ATL2: variants seen among roughly 807,000 people sequenced by gnomAD.
ATL2 encodes the protein atlastin GTPase 2.
In ATL2, 31 loss-of-function variants were observed where a neutral mutation model predicts 73.9. The ratio of observed to expected loss-of-function variants is 0.42; its 90% confidence interval spans 0.32 to 0.57. The LOEUF (loss-of-function observed/expected upper bound fraction) is 0.57. Among genes scored for constraint, ATL2 ranks in the 20% least tolerant of loss-of-function variants. ATL2 has a pLI of 0.14. For synonymous variants in ATL2, 291 were observed against 237.5 expected, an observed-to-expected ratio of 1.23 and a Z score of -2.07; for missense variants, 738 against 702.6, an observed-to-expected ratio of 1.05 and a Z score of -0.57.
chr2:38,367,458 T>C (rs1196620741), intron 1 of ATL2, among the ~76,000 whole-genome samples: 1 of 150,260 alleles, frequency 6.7e-6, no homozygotes, highest in Non-Finnish European at 1.5e-5. Context: ...AAAAAAAAAT[T>C]AGCCGGGCAT....
At chr2:38,342,028 T>A (rs574187874) in intron 2 of ATL2, among the ~76,000 whole-genome samples, 21 of 152,302 alleles carry the variant, frequency 1.4e-4, no homozygotes, top group Non-Finnish European at 1.3e-4. Flanking sequence ...AAATTTCCAA[T>A]TCCTTCTCCT....
intron 9 of ATL2, among the ~76,000 whole-genome samples, chr2:38,301,795 T>G (rs905684076): frequency 6.6e-6 from 1 of 152,186 alleles, no homozygotes; most frequent in Non-Finnish European, 1.5e-5. Context: ...GGTGCTGGGC[T>G]GGGCTCAGAG....
rs372858237 is a variant in ATL2 at position 38,340,409 on chromosome 2, TG to T, written c.363+2858del. Among the ~76,000 whole-genome samples, 250 of 150,086 alleles carry T rather than the reference TG, an allele frequency of 1.7e-3. 4 individuals are homozygous for T. The highest frequency in any genetic ancestry group is 5.7e-3 in the African/African-American group (232 of 40,878). ...TAAATAAGCAAATAAGAATTAGAAG[TG>T]GGGGGGGCAGGGCATAGAATACTTG... On this transcript the variant is annotated intron_variant, in intron 2 of 12. Coordinates refer to ENST00000378954, the MANE Select transcript of ATL2 (RefSeq NM_001135673.4).
chr2:38,338,848 C>T (rs1456353832), intron 2 of ATL2, among the ~76,000 whole-genome samples: 1 of 152,140 alleles, frequency 6.6e-6, no homozygotes, highest in East Asian at 1.9e-4. Context: ...AATCCCATCA[C>T]CCCAGTCTAA....
chr2:38,361,600 A>C (rs1671019887), intron 1 of ATL2, among the ~76,000 whole-genome samples: 1 of 152,190 alleles, frequency 6.6e-6, no homozygotes, highest in African/African-American at 2.4e-5. Context: ...CTCTTTTAAA[A>C]AGGATTCAAA....
chr2:38,330,215 T>C (rs1668905066), intron 2 of ATL2, among the ~76,000 whole-genome samples: 1 of 142,928 alleles, frequency 7.0e-6, no homozygotes, highest in Non-Finnish European at 1.5e-5. Flanking sequence ...CATTCAGGAT[T>C]TAAAAAAAAA....
At chr2:38,343,536 T>C in intron 1 of ATL2, 24 bp from the exon 2 acceptor site, 8 of 1,591,772 alleles carry the variant, frequency 5.0e-6, no homozygotes, top group Non-Finnish European at 6.8e-6. Flanking sequence ...AGAAAGAAAC[T>C]GGTTACTTTA....
chr2:38,370,168 A>AAAAG (rs1296849122), intron 1 of ATL2, among the ~76,000 whole-genome samples: 1 of 138,796 alleles, frequency 7.2e-6, no homozygotes, highest in Non-Finnish European at 1.5e-5. Flanking sequence ...AAAAAAAAAA[A>AAAAG]AAAGAAAGAA....
chr2:38,321,337 C>G (rs1409391008), intron 2 of ATL2, among the ~76,000 whole-genome samples: 1 of 152,142 alleles, frequency 6.6e-6, no homozygotes, highest in Admixed American at 6.6e-5. Flanking sequence ...ATTTCTTTTT[C>G]TTCAGTTTTC....
Position 38,374,951 on chromosome 2 carries a change from A to G in ATL2, c.118+2192T>C, listed in dbSNP as rs552601058. On this transcript the variant is annotated intron_variant, in intron 1 of 12. Transcript: ENST00000378954. ...TCACTCAGGGTTTCTTTTCCCTATA[A>G]TATCTTTACTGTAAGGCAGCTACTT... Among the ~76,000 whole-genome samples, 5 of 152,358 alleles carry G rather than the reference A, an allele frequency of 3.3e-5. No homozygotes were observed. In the East Asian group the frequency reaches 7.7e-4, roughly 23 times the overall value.
chr2:38,324,295 G>A (rs1668483034), intron 2 of ATL2, among the ~76,000 whole-genome samples: 2 of 152,026 alleles, frequency 1.3e-5, no homozygotes, highest in Admixed American at 1.3e-4. Flanking sequence ...AACAATCCAA[G>A]TAGTGCTACA....
intron 1 of ATL2, among the ~76,000 whole-genome samples, chr2:38,369,965 C>T (rs1229900825): frequency 6.7e-6 from 1 of 149,512 alleles, no homozygotes; most frequent in Non-Finnish European, 1.5e-5. Flanking sequence ...TCCTGGCTAA[C>T]ACGGTGAAAC....
At chr2:38,326,805 C>A (rs746462856) in intron 2 of ATL2, among the ~76,000 whole-genome samples, 11 of 151,878 alleles carry the variant, frequency 7.2e-5, no homozygotes, top group African/African-American at 2.7e-4. Context: ...CTGGTCAATA[C>A]GGCAAAACCC....
At chr2:38,354,196 A>G (rs1450372562) in intron 1 of ATL2, 1 of 435,228 alleles carries the variant, frequency 2.3e-6, no homozygotes, top group Non-Finnish European at 4.5e-6. Flanking sequence ...AAAAAAAGCA[A>G]AGAGTATCTG....
chr2:38,339,939 C>A (rs926084158), intron 2 of ATL2, among the ~76,000 whole-genome samples: 1 of 152,176 alleles, frequency 6.6e-6, no homozygotes, highest in African/African-American at 2.4e-5. Flanking sequence ...GATCTACCCA[C>A]CTCGGCCTCC....
intron 2 of ATL2, among the ~76,000 whole-genome samples, chr2:38,324,638 G>A (rs1481400246): frequency 6.6e-6 from 1 of 152,150 alleles, no homozygotes; most frequent in Non-Finnish European, 1.5e-5. Flanking sequence ...ATGAAATTAT[G>A]ACTGACCCAA....
chr2:38,300,181 C>T (rs1200690433), intron 10 of ATL2, 91 bp downstream of exon 10: 18 of 1,140,526 alleles, frequency 1.6e-5, no homozygotes, highest in Non-Finnish European at 2.2e-5. Flanking sequence ...AAAGCACCCC[C>T]CATTTTCAGC....
At chr2:38,344,376 G>C (rs542991267) in intron 1 of ATL2, among the ~76,000 whole-genome samples, 1 of 152,172 alleles carries the variant, frequency 6.6e-6, no homozygotes, top group African/African-American at 2.4e-5. Flanking sequence ...TTGGGAGGCC[G>C]AGGCAGGCAG....
At chr2:38,312,915 C>A (rs1415978957) in intron 7 of ATL2, among the ~76,000 whole-genome samples, 1 of 152,054 alleles carries the variant, frequency 6.6e-6, no homozygotes, top group Non-Finnish European at 1.5e-5. Flanking sequence ...CCATGGGGGG[C>A]TACCTTTAGG....
Sources: allele counts gnomAD v4.1 joint callset (sites outside exome capture counted in the v4.1 genomes callset), GRCh38; gene constraint gnomAD v4.1.1; transcripts MANE v1.5; gene names NCBI Gene and HGNC (gene_info 2026-07-23, HGNC 2026-07-21).